Variants in ERBB4 observed in about 807,000 individuals in gnomAD.
ERBB4 encodes the protein receptor tyrosine-protein kinase erbB-4.
ERBB4 carries 42 observed loss-of-function variants against 158.0 expected under a neutral mutation model. The ratio of observed to expected loss-of-function variants is 0.27; its 90% confidence interval spans 0.21 to 0.34. The LOEUF is 0.34. ERBB4 is among the 10% of genes least tolerant of loss of function. ERBB4 has a pLI of 1.00. For missense variants in ERBB4, 1,333 were observed against 1,624.1 expected (o/e 0.82, Z 3.08); for synonymous variants, 583 against 558.7 (o/e 1.04, Z -0.61).
chr2:212,477,663 C>T (rs147127263), intron 1 of ERBB4, among the ~76,000 whole-genome samples: 8 of 152,222 alleles, frequency 5.3e-5, no homozygotes, highest in African/African-American at 1.9e-4. Flanking sequence ...TTGAATCGCT[C>T]AAGTTGAAAT....
At chr2:211,414,993 T>G (rs961269464) in intron 25 of ERBB4, among the ~76,000 whole-genome samples, 3 of 151,998 alleles carry the variant, frequency 2.0e-5, no homozygotes, top group Non-Finnish European at 2.9e-5. Context: ...TAGTGAGCAT[T>G]CAGTAAGTTT....
At chr2:211,551,152 T>A (rs1367168598) in intron 20 of ERBB4, among the ~76,000 whole-genome samples, 2 of 152,174 alleles carry the variant, frequency 1.3e-5, no homozygotes, top group Non-Finnish European at 2.9e-5. Flanking sequence ...TCTTCTTCCT[T>A]AGACTAGTAT....
chr2:211,993,504 A>G (rs751045297), intron 2 of ERBB4, among the ~76,000 whole-genome samples: 3 of 152,080 alleles, frequency 2.0e-5, no homozygotes, highest in Non-Finnish European at 2.9e-5. Context: ...CTGATTTACA[A>G]AGAAGAAAAG....
At chr2:211,414,045 C>T (rs968722404) in intron 25 of ERBB4, among the ~76,000 whole-genome samples, 1 of 152,062 alleles carries the variant, frequency 6.6e-6, no homozygotes, top group Admixed American at 6.5e-5. Context: ...TGCAGGCTTC[C>T]TTATCTGCAC....
intron 16 of ERBB4, among the ~76,000 whole-genome samples, chr2:211,641,541 C>A (rs2070591230): frequency 6.6e-6 from 1 of 152,042 alleles, no homozygotes; most frequent in African/African-American, 2.4e-5. Context: ...GCCTTAATGC[C>A]ATCCCCCATT....
intron 16 of ERBB4, among the ~76,000 whole-genome samples, chr2:211,654,410 A>C (rs13032986): frequency 0.23 from 35,091 of 152,178 alleles, 4,509 homozygotes; most frequent in East Asian, 0.39. Flanking sequence ...TAAAAGGAAC[A>C]ATTAACTATT....
At chr2:211,672,132 G>A (rs192471640) in intron 14 of ERBB4, among the ~76,000 whole-genome samples, 139 of 152,204 alleles carry the variant, frequency 9.1e-4, no homozygotes, top group Middle Eastern at 3.4e-3. Context: ...ATGGAAGTCT[G>A]GAGGGCTCAA....
chr2:211,765,330 A>G (rs1197802607), intron 4 of ERBB4, among the ~76,000 whole-genome samples: 2 of 152,184 alleles, frequency 1.3e-5, no homozygotes, highest in Non-Finnish European at 2.9e-5. Flanking sequence ...TGGTCAGATA[A>G]AAGACTTTGG....
chr2:212,258,075 G>A (rs1400495703), intron 1 of ERBB4, among the ~76,000 whole-genome samples: 4 of 151,898 alleles, frequency 2.6e-5, no homozygotes, highest in Admixed American at 6.6e-5. Context: ...TATTACTTGT[G>A]TACAAAACTA....
intron 2 of ERBB4, among the ~76,000 whole-genome samples, chr2:212,003,216 G>GAAAGGAAGAAA (rs1491317567): frequency 2.9e-5 from 1 of 34,474 alleles, no homozygotes; most frequent in Admixed American, 2.9e-4. Context: ...ACAGAAAGAA[G>GAAAGGAAGAAA]GAAGGAAGGA....
intron 25 of ERBB4, among the ~76,000 whole-genome samples, chr2:211,404,835 C>T (rs1380527282): frequency 2.0e-5 from 3 of 152,096 alleles, no homozygotes; most frequent in African/African-American, 7.2e-5. Context: ...GAAGTGACCC[C>T]TTCAACCTAG....
At chr2:211,954,952 T>C (rs1345875868) in intron 2 of ERBB4, among the ~76,000 whole-genome samples, 1 of 152,066 alleles carries the variant, frequency 6.6e-6, no homozygotes, top group Non-Finnish European at 1.5e-5. Context: ...TATGTTTGCT[T>C]TGGAATTCTG....
At chr2:211,452,112 T>C (rs960149614) in intron 20 of ERBB4, among the ~76,000 whole-genome samples, 4 of 152,234 alleles carry the variant, frequency 2.6e-5, no homozygotes, top group Non-Finnish European at 5.9e-5. Flanking sequence ...GATTTGAAGA[T>C]GAACAAATAT....
At chr2:212,335,929 T>C (rs1296662167) in intron 1 of ERBB4, among the ~76,000 whole-genome samples, 1 of 152,006 alleles carries the variant, frequency 6.6e-6, no homozygotes, top group Non-Finnish European at 1.5e-5. Flanking sequence ...AAGGTATCCC[T>C]AATTCAAGTC....
At chr2:212,277,548 T>G (rs1422705109) in intron 1 of ERBB4, among the ~76,000 whole-genome samples, 3 of 151,734 alleles carry the variant, frequency 2.0e-5, no homozygotes, top group Non-Finnish European at 4.4e-5. Context: ...ACCCAGATCT[T>G]TTTAATGGCT....
At chr2:211,792,289 T>A (rs1042130931) in intron 3 of ERBB4, among the ~76,000 whole-genome samples, 1 of 151,744 alleles carries the variant, frequency 6.6e-6, no homozygotes, top group East Asian at 1.9e-4. Context: ...CAAAACCATA[T>A]CTCCAGTTTC....
At chr2:212,441,602 T>C (rs1560330583) in intron 1 of ERBB4, among the ~76,000 whole-genome samples, 1 of 152,078 alleles carries the variant, frequency 6.6e-6, no homozygotes, top group Non-Finnish European at 1.5e-5. Flanking sequence ...GGGATAATGA[T>C]GGAAGGAACA....
At chr2:212,461,865 TG>T (rs1688594065) in intron 1 of ERBB4, among the ~76,000 whole-genome samples, 1 of 152,188 alleles carries the variant, frequency 6.6e-6, no homozygotes, top group South Asian at 2.1e-4. Context: ...TGAGATCTGA[TG>T]GTTTTAAAAA....
At chr2:211,804,886 A>G (rs1365895821) in intron 3 of ERBB4, among the ~76,000 whole-genome samples, 1 of 150,506 alleles carries the variant, frequency 6.6e-6, no homozygotes, top group African/African-American at 2.4e-5. Flanking sequence ...TGTTCTTTCT[A>G]CTTCTGAGCA....
Sources: gnomAD v4.1 joint callset for allele counts (sites outside exome capture counted in the v4.1 genomes callset) on GRCh38, gnomAD v4.1.1 for gene constraint, MANE v1.5 for transcripts, NCBI Gene and HGNC (gene_info 2026-07-23, HGNC 2026-07-21) for gene names.